Variants in SLC25A48 observed in about 807,000 individuals in gnomAD.
The protein encoded by SLC25A48 is solute carrier family 25 member 48, also known as CTC-321K16.1.
SLC25A48 carries 29 observed loss-of-function variants against 32.2 expected under a neutral mutation model. The ratio of observed to expected loss-of-function variants is 0.90; its 90% CI spans 0.67 to 1.23. The LOEUF (loss-of-function observed/expected upper bound fraction) is 1.23, where lower values mean the gene tolerates loss of function less well. SLC25A48 is among the 50% of genes most tolerant of loss of function. SLC25A48 has a pLI of 0.00. For missense variants in SLC25A48, 399 were observed against 422.7 expected (o/e 0.94, Z 0.49); for synonymous variants, 164 against 172.3 (o/e 0.95, Z 0.38).
In SLC25A48 at chr5:135,629,322, A is replaced by G. The variant is rs1356257046; in HGVS notation, c.-763A>G. The G allele has an allele frequency of 6.6e-6, 1 of 152,274 alleles. No homozygotes were observed. 9.4% of individuals were successfully genotyped at this position (152,274 alleles called of 1,614,324 possible). On this transcript the variant is annotated 5_prime_UTR_variant, in exon 2 of 11. Coordinates refer to the SLC25A48 transcript ENST00000646290. The surrounding 1 kb of genome is among the most constrained non-coding windows in gnomAD (Gnocchi z 4.8). ...AAACACCTGGGTTGGGAATGCAGAAAACAGGCATGGAATGCCAGGAACGCA... is the reference window on the plus strand; with the variant it reads ...AAACACCTGGGTTGGGAATGCAGAAGACAGGCATGGAATGCCAGGAACGCA...
chr5:135,790,738 A>G (rs1273053961), intron 3 of SLC25A48, among the ~76,000 whole-genome samples: 3 of 151,384 alleles, frequency 2.0e-5, no homozygotes, highest in Admixed American at 2.0e-4. Flanking sequence ...GTGTGATATT[A>G]TTCATAATAT....
intron 3 of SLC25A48, among the ~76,000 whole-genome samples, chr5:135,851,935 C>G (rs2126736708): frequency 6.6e-6 from 1 of 152,272 alleles, no homozygotes; most frequent in Non-Finnish European, 1.5e-5. Flanking sequence ...CCACTTCTGT[C>G]AGAAGACACC....
intron 3 of SLC25A48, among the ~76,000 whole-genome samples, chr5:135,763,122 C>T (rs1010389124): frequency 6.6e-6 from 1 of 152,066 alleles, no homozygotes; most frequent in Non-Finnish European, 1.5e-5. Flanking sequence ...AAGAAAAAGA[C>T]AGTTGAAACA....
chr5:135,605,147 C>G (rs539139921), intron 1 of SLC25A48, among the ~76,000 whole-genome samples: 1 of 152,296 alleles, frequency 6.6e-6, no homozygotes, highest in South Asian at 2.1e-4. Context: ...TAATGGCTAT[C>G]TATGTTATGG....
upstream of SLC25A48, among the ~76,000 whole-genome samples, chr5:135,831,121 G>A (rs552407028): frequency 1.1e-4 from 16 of 152,304 alleles, no homozygotes; most frequent in African/African-American, 3.8e-4. Flanking sequence ...CAAAAGCTCT[G>A]TGGGGGAAAT....
chr5:135,603,507 C>G (rs1751850469), intron 1 of SLC25A48, among the ~76,000 whole-genome samples: 1 of 152,226 alleles, frequency 6.6e-6, no homozygotes, highest in Non-Finnish European at 1.5e-5. Context: ...GGCCTCCCAG[C>G]AGGCCCGGCC....
chr5:135,866,979 G>A (rs1279692974), intron 4 of SLC25A48, among the ~76,000 whole-genome samples: 1 of 152,046 alleles, frequency 6.6e-6, no homozygotes, highest in African/African-American at 2.4e-5. Context: ...ATCTAGAGAG[G>A]CAGCAGTTTT....
chr5:135,735,026 G>A (rs1035553249), intron 3 of SLC25A48, among the ~76,000 whole-genome samples: 5 of 152,236 alleles, frequency 3.3e-5, no homozygotes, highest in South Asian at 2.1e-4. Flanking sequence ...GCTGCCAGGC[G>A]AGTTAGAAAG....
At chr5:135,874,749 A>G (rs768824622) in intron 6 of SLC25A48, 12 of 696,684 alleles carry the variant, frequency 1.7e-5, no homozygotes, top group South Asian at 1.7e-4. Flanking sequence ...ACCCCTTCCC[A>G]CCACCTGAAA....
At chr5:135,637,872 G>A (rs999491385) in intron 3 of SLC25A48, among the ~76,000 whole-genome samples, 1 of 152,160 alleles carries the variant, frequency 6.6e-6, no homozygotes, top group African/African-American at 2.4e-5. Flanking sequence ...TGTTGTTGTT[G>A]TAGCTCAAGT....
intron 3 of SLC25A48, among the ~76,000 whole-genome samples, chr5:135,654,512 A>G (rs1475830177): frequency 6.6e-6 from 1 of 152,190 alleles, no homozygotes; most frequent in Non-Finnish European, 1.5e-5. Context: ...TCTGCATCTC[A>G]TGGTGGGCCT....
intron 1 of SLC25A48, among the ~76,000 whole-genome samples, chr5:135,581,198 T>C (rs1477234481): frequency 6.6e-6 from 1 of 152,238 alleles, no homozygotes; most frequent in Non-Finnish European, 1.5e-5. Flanking sequence ...ATTGCGGTTA[T>C]CATGATTTTA....
chr5:135,632,009 C>A (rs143603439), intron 2 of SLC25A48, among the ~76,000 whole-genome samples: 2,044 of 152,282 alleles, frequency 0.013, 29 homozygotes, highest in Middle Eastern at 0.034. Flanking sequence ...TCTTCAGAGC[C>A]CCTCTACCTA....
intron 3 of SLC25A48, among the ~76,000 whole-genome samples, chr5:135,748,187 C>T (rs1755687541): frequency 6.6e-6 from 1 of 152,202 alleles, no homozygotes; most frequent in Non-Finnish European, 1.5e-5. Context: ...TACTTGCCCA[C>T]AATCTGAGAG....
rs1762808164 is a variant in SLC25A48, at chr5:135,888,365, C to G, written c.*341C>G. 2.9e-6 allele frequency: 1 copy of G among 346,462 alleles called. No homozygotes were observed. Among genetic ancestry groups the G allele is most frequent in the South Asian group, 6.6e-5 (1 of 15,166 alleles). The allele number at this position is 346,462 out of a possible 1,614,324, so 21.5% of individuals were successfully genotyped here. The stretch of plus-strand genomic sequence containing the variant: ...GAGAAACGTTGCTTCACTCCTCTGT[C>G]TGAGGATGGGGAGGGGCCAGTGAGC... On this transcript the variant is annotated 3_prime_UTR_variant, in exon 8 of 8. Transcript: ENST00000681962.
intron 3 of SLC25A48, among the ~76,000 whole-genome samples, chr5:135,793,618 A>G (rs902338423): frequency 1.3e-5 from 2 of 151,752 alleles, no homozygotes; most frequent in Non-Finnish European, 2.9e-5. Flanking sequence ...TATTCATAAC[A>G]TTTTGGGGAG....
intron 3 of SLC25A48, among the ~76,000 whole-genome samples, chr5:135,768,264 C>T (rs778416863): frequency 2.0e-5 from 3 of 147,412 alleles, no homozygotes; most frequent in Non-Finnish European, 3.0e-5. Context: ...GTATTGAAAA[C>T]GGTGTACACC....
intron 4 of SLC25A48, among the ~76,000 whole-genome samples, chr5:135,860,795 C>G (rs961202837): frequency 6.6e-6 from 1 of 152,128 alleles, no homozygotes; most frequent in African/African-American, 2.4e-5. Context: ...GGTTCTGCCT[C>G]AGGATTGCCA....
At chr5:135,805,660 T>C (rs913757313) in intron 3 of SLC25A48, among the ~76,000 whole-genome samples, 1 of 151,648 alleles carries the variant, frequency 6.6e-6, no homozygotes, top group East Asian at 1.9e-4. Flanking sequence ...ACAGTGGAGG[T>C]ACACCCTGTG....
Sources: allele counts gnomAD v4.1 joint callset (sites outside exome capture counted in the v4.1 genomes callset), GRCh38; gene constraint gnomAD v4.1.1; non-coding constraint Gnocchi (gnomAD v3.1); transcripts MANE v1.5; gene names NCBI Gene and HGNC (gene_info 2026-07-23, HGNC 2026-07-21).